ETV6: variants seen among roughly 807,000 people sequenced by gnomAD.
The protein encoded by ETV6 is transcription factor ETV6.
Under a neutral mutation model 51.1 loss-of-function variants are expected in ETV6, and 16 were observed. The ratio of observed to expected loss-of-function variants is 0.31; its 90% confidence interval spans 0.21 to 0.48. The LOEUF is 0.48. Ranked by LOEUF, ETV6 falls within the 20% of genes least tolerant of loss-of-function variation. The pLI, the probability that ETV6 is intolerant of heterozygous loss-of-function variation, is 0.99. For synonymous variants in ETV6, 240 were observed against 224.1 expected, an observed-to-expected ratio of 1.07 and a Z score of -0.64; for missense variants, 458 against 594.8, an observed-to-expected ratio of 0.77 and a Z score of 2.39.
intron 4 of ETV6, among the ~76,000 whole-genome samples, chr12:11,864,645 G>C (rs200826026): frequency 1.3e-5 from 2 of 152,098 alleles, no homozygotes; most frequent in East Asian, 3.9e-4. Context: ...AAAGATTACA[G>C]ATCATTTTAG....
rs201306094 is a variant in ETV6, at chr12:11,778,314, GCA to G, written c.163+25747_163+25748del. Among the ~76,000 whole-genome samples the G allele has an allele frequency of 5.9e-5, 9 of 152,200 alleles. No individual in the cohort carries two copies. The East Asian group carries it at 7.7e-4, about 13-fold the overall frequency. ...CAGCCTGGCGAGCGCACACGCGTGT[GCA>G]CACACACACACTCCTGTGTTTAATA... On this transcript the variant is annotated intron_variant, in intron 2 of 7. Coordinates refer to ENST00000396373, the MANE Select transcript of ETV6 (RefSeq NM_001987.5).
intron 1 of ETV6, among the ~76,000 whole-genome samples, chr12:11,751,006 A>G (rs544867158): frequency 6.6e-6 from 1 of 152,290 alleles, no homozygotes; most frequent in East Asian, 1.9e-4. Context: ...CCTGCCCTTC[A>G]TTAAGAAATT....
intron 2 of ETV6, among the ~76,000 whole-genome samples, chr12:11,766,179 G>A (rs1462047032): frequency 2.0e-5 from 3 of 152,142 alleles, no homozygotes; most frequent in Non-Finnish European, 2.9e-5. Context: ...GGTGTTTTCA[G>A]GACTCAGCTG....
At chr12:11,808,077 G>A (rs1014750727) in intron 2 of ETV6, among the ~76,000 whole-genome samples, 2 of 152,088 alleles carry the variant, frequency 1.3e-5, no homozygotes, top group Non-Finnish European at 2.9e-5. Context: ...ATACCTACAA[G>A]GCATTCCTAG....
At chr12:11,829,035 G>A (rs1260579484) in intron 2 of ETV6, among the ~76,000 whole-genome samples, 1 of 151,986 alleles carries the variant, frequency 6.6e-6, no homozygotes, top group Non-Finnish European at 1.5e-5. Flanking sequence ...CCTGATCCAG[G>A]CTGTTTTCCG....
intron 1 of ETV6, among the ~76,000 whole-genome samples, chr12:11,745,015 T>G (rs1196692545): frequency 6.6e-6 from 1 of 152,230 alleles, no homozygotes; most frequent in African/African-American, 2.4e-5. Context: ...GTTTTTTGCT[T>G]TGGTGCTTGT....
intron 1 of ETV6, among the ~76,000 whole-genome samples, chr12:11,689,691 G>C (rs912505101): frequency 6.6e-6 from 1 of 152,018 alleles, no homozygotes; most frequent in African/African-American, 2.4e-5. Flanking sequence ...GGGGAAGCGG[G>C]AGCTTTCTGC....
chr12:11,742,130 T>C (rs943272964), intron 1 of ETV6, among the ~76,000 whole-genome samples: 1 of 152,386 alleles, frequency 6.6e-6, no homozygotes, highest in South Asian at 2.1e-4. Context: ...TAATTGGTCT[T>C]AACTACAGGG....
rs1434840712 is a variant in ETV6, at chr12:11,690,321, CTG to C, written c.33+40165_33+40166del. Among the ~76,000 whole-genome samples the C allele has an allele frequency of 5.3e-5, 8 of 152,132 alleles. No individual in the cohort carries two copies. In the South Asian group the frequency reaches 8.3e-4, roughly 16 times the overall value. ...TGTCTGCTTTGTATCGATTCCGGCA[CTG>C]TGTTATGATATTCTTGTAGTTTCAT... On this transcript the variant is annotated intron_variant, in intron 1 of 7. Coordinates refer to ENST00000396373, the MANE Select transcript of ETV6 (RefSeq NM_001987.5).
intron 1 of ETV6, among the ~76,000 whole-genome samples, chr12:11,698,256 T>TTCC (rs1816360032): frequency 1.3e-5 from 2 of 152,214 alleles, no homozygotes; most frequent in African/African-American, 4.8e-5. Flanking sequence ...AACATCTGCA[T>TTCC]TAGTATTAGT....
At chr12:11,664,307 A>G (rs967295567) in intron 1 of ETV6, among the ~76,000 whole-genome samples, 5 of 152,152 alleles carry the variant, frequency 3.3e-5, no homozygotes, top group Admixed American at 6.5e-5. Flanking sequence ...CTAGCCTGGC[A>G]GAGTCTTATT....
At chr12:11,888,486 C>T (rs536805367) in intron 7 of ETV6, among the ~76,000 whole-genome samples, 1 of 151,580 alleles carries the variant, frequency 6.6e-6, no homozygotes, top group Non-Finnish European at 1.5e-5. Flanking sequence ...ACCTCCACCT[C>T]CTGAATTTAA....
intron 1 of ETV6, among the ~76,000 whole-genome samples, chr12:11,692,213 G>C (rs909162883): frequency 6.6e-6 from 1 of 152,096 alleles, no homozygotes; most frequent in Non-Finnish European, 1.5e-5. Flanking sequence ...GGCTTTATAA[G>C]AAGAGGAAGA....
At chr12:11,650,486 A>AAAAAAC (rs1863876664) in intron 1 of ETV6, among the ~76,000 whole-genome samples, 1 of 59,382 alleles carries the variant, frequency 1.7e-5, no homozygotes, top group Admixed American at 1.9e-4. Context: ...GCGCTTAAAA[A>AAAAAAC]AAAAAAAAAC....
chr12:11,776,607 C>G (rs192456430), intron 2 of ETV6, among the ~76,000 whole-genome samples: 114 of 152,298 alleles, frequency 7.5e-4, no homozygotes, highest in Middle Eastern at 3.4e-3. Context: ...CACATTCTTT[C>G]TATCTGACAC....
At chr12:11,880,961 C>T (rs1947082015) in intron 5 of ETV6, among the ~76,000 whole-genome samples, 1 of 152,108 alleles carries the variant, frequency 6.6e-6, no homozygotes, top group Non-Finnish European at 1.5e-5. Flanking sequence ...GATACAGTCT[C>T]ACTCTGTCAC....
At position 11,649,865 on chromosome 12, in the gene ETV6, C is replaced by T. The variant is rs1863854942; in HGVS notation, c.-263C>T. On this transcript the variant is annotated 5_prime_UTR_variant, in exon 1 of 8. Coordinates refer to ENST00000396373, the MANE Select transcript of ETV6 (RefSeq NM_001987.5). The stretch of plus-strand genomic sequence containing the variant: ...AGGCCGGCCGGGCTGCGTCCCGGGT[C>T]CCCGCGCCGCGCCGCGACCTGCAGA... 6.7e-6 allele frequency: 1 copy of T among 150,192 alleles called. No homozygotes were observed. Among genetic ancestry groups the T allele is most frequent in the Non-Finnish European group, 1.5e-5 (1 of 67,664 alleles). 9.3% of individuals were successfully genotyped at this position (150,192 alleles called of 1,614,324 possible).
At chr12:11,693,290 C>T (rs575857319) in intron 1 of ETV6, among the ~76,000 whole-genome samples, 9 of 152,216 alleles carry the variant, frequency 5.9e-5, no homozygotes, top group Admixed American at 5.2e-4. Flanking sequence ...TAACATGCAG[C>T]GTATGCAGTT....
chr12:11,729,746 A>G (rs992454527), intron 1 of ETV6, among the ~76,000 whole-genome samples: 2 of 152,146 alleles, frequency 1.3e-5, no homozygotes, highest in African/African-American at 4.8e-5. Flanking sequence ...TTACTATTTT[A>G]TTGATTGTTC....
Sources: gnomAD v4.1 joint callset for allele counts (sites outside exome capture counted in the v4.1 genomes callset) on GRCh38, gnomAD v4.1.1 for gene constraint, MANE v1.5 for transcripts, NCBI Gene and HGNC (gene_info 2026-07-23, HGNC 2026-07-21) for gene names.